The following GALNT13 variants were observed in gnomAD, a reference collection of about 807,000 sequenced individuals.
GALNT13 encodes UDP-GalNAc:polypeptide N-acetylgalactosaminyltransferase 13.
In GALNT13, 28 loss-of-function variants were observed where a neutral mutation model predicts 64.2. The ratio of observed to expected loss-of-function variants is 0.44; its 90% CI spans 0.32 to 0.60. The LOEUF (loss-of-function observed/expected upper bound fraction) is 0.60. Ranked by LOEUF, GALNT13 falls within the 20% of genes least tolerant of loss-of-function variation. The pLI, the probability that GALNT13 is intolerant of heterozygous loss-of-function variation, is 0.05. For missense variants in GALNT13, 577 were observed against 669.8 expected (o/e 0.86, Z 1.53); for synonymous variants, 214 against 224.6 (o/e 0.95, Z 0.42).
At chr2:153,148,839 A>G in the GALNT13 span, among the ~76,000 whole-genome samples, 3 of 151,944 alleles carry the variant, frequency 2.0e-5, no homozygotes, top group Non-Finnish European at 4.4e-5. Flanking sequence ...AAAAGCAAAC[A>G]TCAAAACTTA....
At chr2:153,398,091 G>A in the GALNT13 span, among the ~76,000 whole-genome samples, 1 of 91,666 alleles carries the variant, frequency 1.1e-5, no homozygotes, top group Non-Finnish European at 2.0e-5. Context: ...CCCCACAACA[G>A]TCCCCAGAGT....
At chr2:153,447,872 T>C in the GALNT13 span, among the ~76,000 whole-genome samples, 6 of 152,212 alleles carry the variant, frequency 3.9e-5, no homozygotes, top group Non-Finnish European at 5.9e-5. Context: ...GGATCATTCA[T>C]TGTGATCAAA....
At chr2:153,809,581 C>T in the GALNT13 span, among the ~76,000 whole-genome samples, 4 of 152,104 alleles carry the variant, frequency 2.6e-5, no homozygotes, top group Non-Finnish European at 5.9e-5. Context: ...TAATCATATG[C>T]CCACCCCTAA....
the GALNT13 span, among the ~76,000 whole-genome samples, chr2:153,227,844 C>T: frequency 6.6e-6 from 1 of 152,106 alleles, no homozygotes; most frequent in African/African-American, 2.4e-5. Flanking sequence ...TTAGTGAATC[C>T]TGGAGTAAAG....
At chr2:153,225,940 T>A in the GALNT13 span, among the ~76,000 whole-genome samples, 4 of 146,182 alleles carry the variant, frequency 2.7e-5, no homozygotes, top group Admixed American at 2.7e-4. Context: ...CAGCAAGCAA[T>A]TTTTTTTTTT....
the GALNT13 span, among the ~76,000 whole-genome samples, chr2:153,864,439 T>A: frequency 6.6e-6 from 1 of 152,046 alleles, no homozygotes; most frequent in South Asian, 2.1e-4. Flanking sequence ...TGAATGGGAG[T>A]TCACTCATGA....
the GALNT13 span, among the ~76,000 whole-genome samples, chr2:153,082,602 TATATATATATATATATACAC>T: frequency 3.0e-3 from 135 of 45,480 alleles, no homozygotes; most frequent in Non-Finnish European, 4.7e-3. Context: ...TATATATATA[TATATATATATATATATACAC>T]ACACACACAC....
At chr2:153,965,463 G>A (rs114321581) in intron 3 of GALNT13, among the ~76,000 whole-genome samples, 29 of 151,946 alleles carry the variant, frequency 1.9e-4, no homozygotes, top group South Asian at 4.1e-4. Context: ...TTTTCTGTGC[G>A]TGGCTTGTTT....
chr2:153,906,666 T>A (rs908901040), intron 2 of GALNT13, among the ~76,000 whole-genome samples: 2 of 151,918 alleles, frequency 1.3e-5, no homozygotes, highest in African/African-American at 4.8e-5. Context: ...TTGGGTTGGT[T>A]CCAAGTCTTT....
At chr2:154,162,464 A>G (rs555812504) in intron 4 of GALNT13, among the ~76,000 whole-genome samples, 6 of 152,230 alleles carry the variant, frequency 3.9e-5, no homozygotes, top group Non-Finnish European at 7.3e-5. Context: ...GGATGCTGAA[A>G]GACATGAGAT....
the GALNT13 span, among the ~76,000 whole-genome samples, chr2:153,521,682 G>C: frequency 6.6e-6 from 1 of 152,048 alleles, no homozygotes; most frequent in East Asian, 1.9e-4. Flanking sequence ...AAAATCATCC[G>C]TATTCTGCCT....
chr2:153,092,031 A>G, the GALNT13 span, among the ~76,000 whole-genome samples: 1 of 152,308 alleles, frequency 6.6e-6, no homozygotes. Context: ...ATAGTGAGAG[A>G]TAGAGGTCTA....
chr2:153,461,587 G>A, the GALNT13 span, among the ~76,000 whole-genome samples: 1 of 152,120 alleles, frequency 6.6e-6, no homozygotes, highest in East Asian at 1.9e-4. Flanking sequence ...AATTTCAAAA[G>A]TCAGGACACC....
chr2:153,717,798 TA>T, the GALNT13 span, among the ~76,000 whole-genome samples: 2 of 152,112 alleles, frequency 1.3e-5, no homozygotes, highest in Non-Finnish European at 2.9e-5. Context: ...TTACTTCGAG[TA>T]AAAATTTAAA....
In GALNT13 at chr2:154,425,032, G is replaced by A. The variant is rs151161658; in HGVS notation, c.1396-13560G>A. Among the ~76,000 whole-genome samples the A allele has an allele frequency of 1.6e-4, 24 of 152,242 alleles. No individual in the cohort carries two copies. In the East Asian group the frequency reaches 3.7e-3, roughly 23 times the overall value. ...AAGGTAAATTTTGAATATTGTGTCC[G>A]GTGAAGAGTACTCTCCCTTTACAGA... On this transcript the variant is annotated intron_variant, in intron 11 of 12. Transcript: ENST00000392825.
At chr2:153,178,732 CTTTT>C in the GALNT13 span, among the ~76,000 whole-genome samples, 4,536 of 98,366 alleles carry the variant, frequency 0.046, 215 homozygotes, top group African/African-American at 0.16. Context: ...TTCTCTTCTT[CTTTT>C]TTTTTTTTTT....
the GALNT13 span, among the ~76,000 whole-genome samples, chr2:153,419,529 G>T: frequency 1.3e-5 from 2 of 152,210 alleles, no homozygotes; most frequent in East Asian, 1.9e-4. Context: ...GTTTTTTAGG[G>T]ATTAGGGAGG....
At chr2:153,815,242 T>C in the GALNT13 span, among the ~76,000 whole-genome samples, 1 of 152,214 alleles carries the variant, frequency 6.6e-6, no homozygotes, top group South Asian at 2.1e-4. Context: ...CTGGACACTA[T>C]AAATCTATTG....
At chr2:153,277,117 C>T in the GALNT13 span, among the ~76,000 whole-genome samples, 1 of 151,958 alleles carries the variant, frequency 6.6e-6, no homozygotes, top group African/African-American at 2.4e-5. Flanking sequence ...GTATATTGTG[C>T]GACGGTAATG....
Sources: gnomAD v4.1 joint callset for allele counts (sites outside exome capture counted in the v4.1 genomes callset) on GRCh38, gnomAD v4.1.1 for gene constraint, MANE v1.5 for transcripts, NCBI Gene and HGNC (gene_info 2026-07-23, HGNC 2026-07-21) for gene names.